C3orf52: variants seen among roughly 807,000 people sequenced by gnomAD.
C3orf52 encodes TPA-induced transmembrane protein.
C3orf52 carries 22 observed loss-of-function variants against 24.8 expected under a neutral mutation model. That is an observed-to-expected ratio of 0.89 (90% CI 0.63 to 1.27). C3orf52 has a LOEUF of 1.27. Ranked by LOEUF, C3orf52 falls within the 50% of genes most tolerant of loss-of-function variation. The probability of loss-of-function intolerance (pLI) is 0.00; values close to 1 mark genes in which losing one functional copy is unlikely to be tolerated. For missense variants in C3orf52, 265 were observed against 260.7 expected (o/e 1.02, Z -0.11); for synonymous variants, 93 against 100.2 (o/e 0.93, Z 0.43).
Position 112,127,064 on chromosome 3 carries a change from A to G in C3orf52, c.*47-1169A>G, listed in dbSNP as rs772735526. ...AAAGAAAAGCAAAGCAAATTGTTTTAATATTCAGAAACTCTCAAAGGAAAT... is the reference window on the plus strand; with the variant it reads ...AAAGAAAAGCAAAGCAAATTGTTTTGATATTCAGAAACTCTCAAAGGAAAT... On this transcript the variant is annotated intron_variant, in intron 4 of 4. Coordinates refer to the C3orf52 transcript ENST00000480282. 2.6e-5 allele frequency: 36 copies of G among 1,397,724 alleles called. No individual in the cohort carries two copies. In the South Asian group the frequency reaches 4.3e-4, roughly 17 times the overall value. The allele number at this position is 1,397,724 out of a possible 1,614,324, so 86.6% of individuals were successfully genotyped here.
chr3:112,102,685 G>A (rs2073984357), intron 2 of C3orf52, among the ~76,000 whole-genome samples, 153 bp from the exon 3 acceptor site: 1 of 152,190 alleles, frequency 6.6e-6, no homozygotes, highest in Non-Finnish European at 1.5e-5. Flanking sequence ...AGTGGAGAAA[G>A]CATTTCTGCT....
At chr3:112,098,966 G>T (rs1219030916) in intron 2 of C3orf52, among the ~76,000 whole-genome samples, 1 of 152,144 alleles carries the variant, frequency 6.6e-6, no homozygotes, top group East Asian at 1.9e-4. Flanking sequence ...GAGGGGCCTG[G>T]TGGGAGGTGA....
chr3:112,122,192 A>G (rs978382082), downstream of C3orf52: 1 of 152,214 alleles, frequency 6.6e-6, no homozygotes, highest in African/African-American at 2.4e-5. Context: ...AGTTTCTCTC[A>G]AACTATAATC....
intron 4 of C3orf52, chr3:112,109,955 A>G (rs1026113471): frequency 8.8e-6 from 2 of 227,510 alleles, no homozygotes; most frequent in African/African-American, 4.5e-5. Context: ...TCGTGCTGTG[A>G]TGCGAGTGAT....
downstream of C3orf52, chr3:112,133,264 C>T (rs1007799081): frequency 4.8e-6 from 4 of 825,050 alleles, no homozygotes; most frequent in African/African-American, 6.8e-5. Flanking sequence ...AGAAGGGTGT[C>T]TCTGCAGAGG....
At position 112,093,423 on chromosome 3, in the gene C3orf52, A is replaced by T; in HGVS notation, c.202A>T (p.Met68Leu). ...TGTGGTTGGAAGATGCAAACTGTGG[A>T]TGATCATCACCTCCATTTTCCTAGG... Reference protein sequence around the residue: ...KNVVGRCKLWMIITSIFLGVI... With the variant: ...KNVVGRCKLWLIITSIFLGVI... The change falls in exon 2 of 6, where the codon ATG (methionine) becomes TTG (leucine). Residue 68 changes from methionine (M) to leucine (L), a missense_variant. Physicochemically the swap from Met to Leu is conservative, Grantham distance 15. Coordinates refer to ENST00000264848, the MANE Select transcript of C3orf52 (RefSeq NM_024616.3). The T allele has an allele frequency of 1.2e-6, 2 of 1,613,934 alleles. No individual in the cohort carries two copies. Among genetic ancestry groups the T allele is most frequent in the Non-Finnish European group, 1.7e-6 (2 of 1,179,792 alleles).
chr3:112,123,554 A>G (rs747637896), intron 4 of C3orf52: 1 of 1,614,164 alleles, frequency 6.2e-7, no homozygotes, highest in Non-Finnish European at 8.5e-7. Flanking sequence ...GTTCATATTC[A>G]TCTTCTGGGG....
chr3:112,086,613 C>T (rs935642703), intron 1 of C3orf52, 68 bp downstream of exon 1: 2 of 1,496,584 alleles, frequency 1.3e-6, no homozygotes, highest in Admixed American at 2.2e-5. Flanking sequence ...GGGCCTGGCA[C>T]CCGCGAGTTT....
chr3:112,130,897 G>A (rs541844492), downstream of C3orf52: 11 of 230,024 alleles, frequency 4.8e-5, 1 homozygote, highest in Middle Eastern at 1.7e-3. Flanking sequence ...ATGGGGAAAG[G>A]TACTGGCTTT....
At chr3:112,129,312 A>G (rs1291230934), downstream of C3orf52, 1 of 152,172 alleles carries the variant, frequency 6.6e-6, no homozygotes, top group Non-Finnish European at 1.5e-5. Context: ...AAATCTATAA[A>G]AGAGGATGTA....
chr3:112,090,223 G>T (rs1245266666), intron 1 of C3orf52, among the ~76,000 whole-genome samples: 1 of 151,716 alleles, frequency 6.6e-6, no homozygotes, highest in Non-Finnish European at 1.5e-5. Flanking sequence ...ATTCTAATGG[G>T]CAGACAGCTG....
intron 3 of C3orf52, 129 bp from the exon 4 acceptor site, chr3:112,109,414 T>A (rs2074056664): frequency 2.0e-6 from 1 of 510,072 alleles, no homozygotes; most frequent in Non-Finnish European, 3.6e-6. Flanking sequence ...GATCCAGAGC[T>A]TCCAGATAAC....
At chr3:112,124,830 C>T (rs182695788) in intron 4 of C3orf52, among the ~76,000 whole-genome samples, 365 of 152,176 alleles carry the variant, frequency 2.4e-3, no homozygotes, top group Non-Finnish European at 3.4e-3. Context: ...ATCCTGGTTC[C>T]GCCCCCTTTT....
chr3:112,095,089 C>T lies in C3orf52; in HGVS notation c.268+1600C>T, dbSNP rs77567446. Among the ~76,000 whole-genome samples, 830 of 152,328 alleles carry T rather than the reference C, an allele frequency of 5.4e-3. 10 individuals carry two copies. The highest frequency in any genetic ancestry group is 0.032 in the South Asian group (155 of 4,826). ...GGAAAACTTTGATGACATCAGCCAA[C>T]CTCCAGCACATAAGTTTCCTGGCCA... is the stretch of plus-strand genomic sequence containing the variant. On this transcript the variant is annotated intron_variant, in intron 2 of 5. Coordinates refer to ENST00000264848, the MANE Select transcript of C3orf52 (RefSeq NM_024616.3).
At chr3:112,128,981 G>A (rs1274158183), downstream of C3orf52, 2 of 152,276 alleles carry the variant, frequency 1.3e-5, no homozygotes, top group Admixed American at 6.5e-5. Flanking sequence ...GAGGAGCAGT[G>A]GAGGAGAGGC....
chr3:112,119,393 A>G (rs2074168097), downstream of C3orf52: 1 of 692,846 alleles, frequency 1.4e-6, no homozygotes, highest in Non-Finnish European at 2.6e-6. Context: ...CAAACAAACA[A>G]ACAAACAGAA....
intron 2 of C3orf52, among the ~76,000 whole-genome samples, chr3:112,101,566 C>G (rs1442414064): frequency 6.6e-6 from 1 of 152,178 alleles, no homozygotes; most frequent in Non-Finnish European, 1.5e-5. Context: ...TTCTCAGACA[C>G]CAGCCAGGAC....
chr3:112,130,579 A>G, downstream of C3orf52: 1 of 1,438,944 alleles, frequency 6.9e-7, no homozygotes, highest in Non-Finnish European at 9.8e-7. Context: ...TCTTTTCATA[A>G]TTTTTCCGAC....
chr3:112,090,937 C>A (rs1403674492), intron 1 of C3orf52, among the ~76,000 whole-genome samples: 1 of 152,150 alleles, frequency 6.6e-6, no homozygotes, highest in Non-Finnish European at 1.5e-5. Flanking sequence ...ACTGGGATGT[C>A]TTTTTCCCGT....
Sources: allele counts gnomAD v4.1 joint callset (sites outside exome capture counted in the v4.1 genomes callset), GRCh38; gene constraint gnomAD v4.1.1; transcripts MANE v1.5; gene names NCBI Gene and HGNC (gene_info 2026-07-23, HGNC 2026-07-21).